COL25A1: variants seen among roughly 807,000 people sequenced by gnomAD.
The protein encoded by COL25A1 is collagen type XXV alpha 1 chain.
A neutral mutation model predicts 128.4 loss-of-function variants in COL25A1; 103 were observed. That is an observed-to-expected ratio of 0.80 (90% confidence interval 0.68 to 0.94). COL25A1 has a LOEUF of 0.94. Ranked by LOEUF, COL25A1 falls within the 40% of genes least tolerant of loss-of-function variation. The pLI is 0.00. For synonymous variants in COL25A1, 279 were observed against 277.2 expected, an observed-to-expected ratio of 1.01 and a Z score of -0.06; for missense variants, 745 against 840.0, an observed-to-expected ratio of 0.89 and a Z score of 1.40.
chr4:109,246,337 T>C (rs1243468377), intron 3 of COL25A1, among the ~76,000 whole-genome samples: 1 of 152,104 alleles, frequency 6.6e-6, no homozygotes, highest in South Asian at 2.1e-4. Flanking sequence ...GTTCTAGCAG[T>C]AAACAAATAA....
At chr4:108,940,780 A>C in intron 9 of COL25A1, 134 bp from the exon 10 acceptor site, 2 of 596,158 alleles carry the variant, frequency 3.4e-6, no homozygotes, top group Non-Finnish European at 2.8e-6. Context: ...CACAAATATA[A>C]AGCCTGTAGG....
At chr4:108,947,241 A>G (rs571134920) in intron 8 of COL25A1, among the ~76,000 whole-genome samples, 1 of 152,192 alleles carries the variant, frequency 6.6e-6, no homozygotes, top group East Asian at 1.9e-4. Context: ...CAGGAGTTCG[A>G]GACCAGCCTG....
intron 11 of COL25A1, among the ~76,000 whole-genome samples, chr4:108,933,108 G>A (rs981373470): frequency 1.6e-4 from 25 of 152,238 alleles, no homozygotes; most frequent in African/African-American, 5.3e-4. Context: ...GCTGTTAATC[G>A]TCAGATGATT....
intron 3 of COL25A1, among the ~76,000 whole-genome samples, chr4:109,167,276 C>T (rs1172000899): frequency 6.6e-6 from 1 of 152,040 alleles, no homozygotes; most frequent in Non-Finnish European, 1.5e-5. Context: ...TGTGCAAATC[C>T]TAGGCAATAT....
intron 15 of COL25A1, among the ~76,000 whole-genome samples, chr4:108,898,418 C>G (rs1742405127): frequency 6.6e-6 from 1 of 152,106 alleles, no homozygotes; most frequent in South Asian, 2.1e-4. Context: ...GATGTAGTAA[C>G]TTGGTAGTTT....
intron 16 of COL25A1, among the ~76,000 whole-genome samples, chr4:108,893,920 T>C (rs1441068794): frequency 6.6e-6 from 1 of 152,212 alleles, no homozygotes; most frequent in African/African-American, 2.4e-5. Flanking sequence ...CAGATTCCTA[T>C]TTACAATCCC....
intron 31 of COL25A1, among the ~76,000 whole-genome samples, chr4:108,834,682 G>T (rs1733567663): frequency 6.6e-6 from 1 of 152,112 alleles, no homozygotes; most frequent in Admixed American, 6.5e-5. Flanking sequence ...ACTCATAACA[G>T]TTGCAGGCTT....
intron 5 of COL25A1, among the ~76,000 whole-genome samples, chr4:109,038,198 A>G (rs1458472818): frequency 6.6e-6 from 1 of 152,168 alleles, no homozygotes; most frequent in Admixed American, 6.6e-5. Context: ...GTTGCTGTGG[A>G]GATATTTTGT....
chr4:108,905,015 T>C (rs1202362391), intron 13 of COL25A1, among the ~76,000 whole-genome samples: 2 of 152,178 alleles, frequency 1.3e-5, no homozygotes, highest in South Asian at 2.1e-4. Context: ...GAATGAGTAG[T>C]TAAGGATAAA....
intron 3 of COL25A1, among the ~76,000 whole-genome samples, chr4:109,068,796 TG>T (rs940023522): frequency 4.0e-4 from 61 of 152,278 alleles, no homozygotes; most frequent in African/African-American, 1.4e-3. Context: ...GACCTTACTA[TG>T]GCCTGGCTCT....
At chr4:108,900,390 A>G (rs1742692842) in intron 14 of COL25A1, among the ~76,000 whole-genome samples, 1 of 152,194 alleles carries the variant, frequency 6.6e-6, no homozygotes. Flanking sequence ...GATCTGTAAA[A>G]TCAGCTGACA....
At chr4:109,210,429 C>G (rs1190841021) in intron 3 of COL25A1, among the ~76,000 whole-genome samples, 1 of 152,088 alleles carries the variant, frequency 6.6e-6, no homozygotes, top group Non-Finnish European at 1.5e-5. Flanking sequence ...AAGTTTCTGC[C>G]CACCTTACAA....
Position 108,901,006 on chromosome 4 carries a change from A to C in COL25A1, c.834+113T>G, listed in dbSNP as rs1742774950. 7 of 758,674 alleles carry C rather than the reference A, an allele frequency of 9.2e-6. No individual in the cohort carries two copies. The South Asian group carries it at 1.2e-4, about 13-fold the overall frequency. 47.0% of individuals were successfully genotyped at this position (758,674 alleles called of 1,614,324 possible). On this transcript the variant is annotated intron_variant, in intron 14 of 37. Transcript: ENST00000399132. The stretch of plus-strand genomic sequence containing the variant: ...TATAGCATATTATACTATTCACAAA[A>C]TACCCATGTAAGTGCAACTGGTGAG...
chr4:109,016,929 G>A (rs1757268168), intron 5 of COL25A1, among the ~76,000 whole-genome samples: 1 of 152,204 alleles, frequency 6.6e-6, no homozygotes, highest in African/African-American at 2.4e-5. Flanking sequence ...GACTGAAAGA[G>A]CTGTAACACA....
At position 108,992,418 on chromosome 4, in the gene COL25A1, T is replaced by G. The variant is rs188954598; in HGVS notation, c.439-17859A>C. 5.1e-4 allele frequency among the ~76,000 whole-genome samples: 78 copies of G among 152,256 alleles called. No homozygotes were observed. In the East Asian group the frequency reaches 6.6e-3, roughly 13 times the overall value. On this transcript the variant is annotated intron_variant, in intron 6 of 37. Transcript: ENST00000399132. Reference sequence around the variant, plus strand: ...TACAGGATAGAATCCTGAGAAAGTTTTAAAATATAACTAGCTTCTACAATT... The same window carrying G: ...TACAGGATAGAATCCTGAGAAAGTTGTAAAATATAACTAGCTTCTACAATT...
chr4:108,921,588 C>T (rs1745499544), intron 11 of COL25A1, among the ~76,000 whole-genome samples: 2 of 152,128 alleles, frequency 1.3e-5, no homozygotes, highest in African/African-American at 4.8e-5. Flanking sequence ...TGCATTCTCA[C>T]TCTGTAACAC....
chr4:109,174,360 C>T (rs991539283), intron 3 of COL25A1, among the ~76,000 whole-genome samples: 1 of 152,198 alleles, frequency 6.6e-6, no homozygotes, highest in African/African-American at 2.4e-5. Flanking sequence ...AGTCCCCTAG[C>T]TAAACATTCC....
At chr4:109,122,533 T>C (rs549366107) in intron 3 of COL25A1, among the ~76,000 whole-genome samples, 9 of 152,150 alleles carry the variant, frequency 5.9e-5, no homozygotes, top group Non-Finnish European at 1.0e-4. Context: ...GAATGTGAGT[T>C]ATGCCCAAGA....
intron 5 of COL25A1, among the ~76,000 whole-genome samples, chr4:109,045,885 C>G (rs1760382201): frequency 6.6e-6 from 1 of 152,050 alleles, no homozygotes. Flanking sequence ...AGTATCAATA[C>G]TTGTTTTATA....
Sources: allele counts gnomAD v4.1 joint callset (sites outside exome capture counted in the v4.1 genomes callset), GRCh38; gene constraint gnomAD v4.1.1; transcripts MANE v1.5; gene names NCBI Gene and HGNC (gene_info 2026-07-23, HGNC 2026-07-21).